RNF38: variants seen among roughly 807,000 people sequenced by gnomAD.
RNF38 encodes ring finger protein 38.
Under a neutral mutation model 67.2 loss-of-function variants are expected in RNF38, and 15 were observed. That is an observed-to-expected ratio of 0.22 (90% CI 0.15 to 0.34). The LOEUF (loss-of-function observed/expected upper bound fraction) is 0.34, where lower values mean the gene tolerates loss of function less well. RNF38 is among the 10% of genes least tolerant of loss of function. The probability of loss-of-function intolerance (pLI) is 1.00; values close to 1 mark genes in which losing one functional copy is unlikely to be tolerated. For missense variants in RNF38, 524 were observed against 639.9 expected (o/e 0.82, Z 1.95); for synonymous variants, 220 against 218.8 (o/e 1.01, Z -0.05).
chr9:36,340,019 G>A (rs1240428802), intron 11 of RNF38, among the ~76,000 whole-genome samples: 1 of 151,762 alleles, frequency 6.6e-6, no homozygotes, highest in Non-Finnish European at 1.5e-5. Context: ...CGCTCTTGTT[G>A]CCCAGGCTGG....
At chr9:36,373,144 T>C (rs911702205) in intron 3 of RNF38, among the ~76,000 whole-genome samples, 5 of 151,866 alleles carry the variant, frequency 3.3e-5, no homozygotes, top group African/African-American at 9.7e-5. Flanking sequence ...GAGGTGGAGG[T>C]TGCAGTGAGC....
intron 3 of RNF38, among the ~76,000 whole-genome samples, chr9:36,374,978 T>C (rs1396095531): frequency 6.6e-6 from 1 of 152,174 alleles, no homozygotes; most frequent in Non-Finnish European, 1.5e-5. Flanking sequence ...TAACTCAAGA[T>C]CATTGATATT....
chr9:36,464,783 T>C (rs1314849001), intron 1 of RNF38, among the ~76,000 whole-genome samples: 1 of 152,190 alleles, frequency 6.6e-6, no homozygotes, highest in African/African-American at 2.4e-5. Context: ...TCTGGCTACA[T>C]AATTGTGTGG....
chr9:36,389,405 T>C (rs1037769898), intron 2 of RNF38, among the ~76,000 whole-genome samples: 1 of 152,002 alleles, frequency 6.6e-6, no homozygotes, highest in Non-Finnish European at 1.5e-5. Flanking sequence ...GTCCATTTCT[T>C]CCACAAATAC....
upstream of RNF38, among the ~76,000 whole-genome samples, chr9:36,405,371 G>C (rs949112906): frequency 6.6e-6 from 1 of 152,292 alleles, no homozygotes. Context: ...TGATTGGTTT[G>C]GGGGTGTTAG....
chr9:36,418,789 A>AAAC lies in RNF38; in HGVS notation n.312+5821_312+5823dup, dbSNP rs916781412. Reference sequence around the variant, plus strand: ...TGACAGAGCAAGACTCTGTCTCAAAAAACAACAACAACAACAACAAATTAG... The same window carrying AAAC: ...TGACAGAGCAAGACTCTGTCTCAAAAAACAACAACAACAACAACAACAAATTAG... On this transcript the variant is annotated intron_variant and non_coding_transcript_variant, in intron 2 of 3. Transcript: ENST00000488058. Among the ~76,000 whole-genome samples, 18 of 151,612 alleles carry AAAC rather than the reference A, an allele frequency of 1.2e-4. No individual in the cohort carries two copies. In the South Asian group the frequency reaches 1.3e-3, roughly 11 times the overall value.
At chr9:36,426,517 A>C (rs752821373) in intron 1 of RNF38, among the ~76,000 whole-genome samples, 2 of 152,224 alleles carry the variant, frequency 1.3e-5, no homozygotes, top group Non-Finnish European at 2.9e-5. Context: ...CTATGGCTAA[A>C]TAATATTCCA....
rs10972902 is a variant in RNF38 at position 36,436,748 on chromosome 9, G to A, written n.242-12065C>T. Among the ~76,000 whole-genome samples the A allele has an allele frequency of 1.6e-3, 243 of 150,640 alleles. 2 individuals are homozygous for A. In the East Asian group the frequency reaches 0.027, roughly 17 times the overall value. On this transcript the variant is annotated intron_variant and non_coding_transcript_variant, in intron 1 of 3. Transcript: ENST00000488058. ...TGAGGGAGGAGAATGGCGTGGACCC[G>A]GGAGGTGGAGCTTGCGTGAGCCCAG...
chr9:36,352,884 C>A, intron 7 of RNF38, 36 bp from the exon 8 acceptor site: 1 of 1,415,550 alleles, frequency 7.1e-7, no homozygotes, highest in South Asian at 1.2e-5. Context: ...TAGAATCACT[C>A]TACGTTTACA....
chr9:36,361,285 G>A (rs1834514824), intron 4 of RNF38, among the ~76,000 whole-genome samples: 1 of 151,808 alleles, frequency 6.6e-6, no homozygotes, highest in Non-Finnish European at 1.5e-5. Context: ...CCGAGTACCT[G>A]GGACTACAGG....
chr9:36,383,185 T>C (rs1340562434), intron 2 of RNF38, among the ~76,000 whole-genome samples: 1 of 152,192 alleles, frequency 6.6e-6, no homozygotes, highest in Admixed American at 6.5e-5. Flanking sequence ...TTAAACTATG[T>C]CCAGATAATA....
At chr9:36,474,880 G>A (rs62546165) in intron 1 of RNF38, among the ~76,000 whole-genome samples, 17,712 of 147,566 alleles carry the variant, frequency 0.12, 2,442 homozygotes, top group Non-Finnish European at 0.18. Flanking sequence ...GGTGCCTCAC[G>A]CCTGTAATCC....
intron 1 of RNF38, among the ~76,000 whole-genome samples, chr9:36,485,147 T>C (rs1390431873): frequency 6.6e-6 from 1 of 152,172 alleles, no homozygotes; most frequent in Non-Finnish European, 1.5e-5. Flanking sequence ...CCAGCCTGGG[T>C]GACAGAGAGA....
intron 1 of RNF38, 24 bp downstream of exon 1, chr9:36,400,073 G>A (rs374161733): frequency 6.2e-7 from 1 of 1,606,278 alleles, no homozygotes; most frequent in African/African-American, 1.3e-5. Context: ...TATCATTTTT[G>A]CAACACAAAG....
chr9:36,427,335 TC>T (rs1489113991), intron 1 of RNF38, among the ~76,000 whole-genome samples: 2 of 152,296 alleles, frequency 1.3e-5, no homozygotes, highest in South Asian at 2.1e-4. Flanking sequence ...CTTCCATCAG[TC>T]CCTCCACCTA....
At chr9:36,409,292 A>G (rs906264991) in intron 2 of RNF38, among the ~76,000 whole-genome samples, 30 of 151,380 alleles carry the variant, frequency 2.0e-4, no homozygotes, top group Non-Finnish European at 1.9e-4. Context: ...GAAAGAAAAG[A>G]AAGAGAGAGA....
intron 2 of RNF38, among the ~76,000 whole-genome samples, chr9:36,407,653 T>A (rs1838214538): frequency 6.6e-6 from 1 of 152,232 alleles, no homozygotes; most frequent in African/African-American, 2.4e-5. Context: ...GATGGCCTGC[T>A]GTAACCTATA....
At chr9:36,486,781 G>A (rs1398460833) in intron 1 of RNF38, among the ~76,000 whole-genome samples, 1 of 152,040 alleles carries the variant, frequency 6.6e-6, no homozygotes, top group African/African-American at 2.4e-5. Flanking sequence ...TCGGCCCCCT[G>A]CTCTTCCGTC....
intron 9 of RNF38, among the ~76,000 whole-genome samples, chr9:36,348,932 C>T (rs1037352787): frequency 2.0e-5 from 3 of 151,988 alleles, no homozygotes; most frequent in South Asian, 2.1e-4. Flanking sequence ...AAAGAAAAGG[C>T]GGCAGTGCCT....
Sources: gnomAD v4.1 joint callset for allele counts (sites outside exome capture counted in the v4.1 genomes callset) on GRCh38, gnomAD v4.1.1 for gene constraint, MANE v1.5 for transcripts, NCBI Gene and HGNC (gene_info 2026-07-23, HGNC 2026-07-21) for gene names.